The following DGKB variants were observed in gnomAD, a reference collection of about 807,000 sequenced individuals.
The protein encoded by DGKB is diacylglycerol kinase beta.
In DGKB, 67 loss-of-function variants were observed where a neutral mutation model predicts 114.3. The ratio of observed to expected loss-of-function variants is 0.59; its 90% CI spans 0.48 to 0.72. The LOEUF (loss-of-function observed/expected upper bound fraction) is 0.72, where lower values mean the gene tolerates loss of function less well. Ranked by LOEUF, DGKB falls within the 30% of genes least tolerant of loss-of-function variation. The probability of loss-of-function intolerance (pLI) is 0.00; values close to 1 mark genes in which losing one functional copy is unlikely to be tolerated. For synonymous variants in DGKB, 398 were observed against 323.1 expected (o/e 1.23, Z -2.49); for missense variants, 907 against 975.2 (o/e 0.93, Z 0.93).
intron 23 of DGKB, among the ~76,000 whole-genome samples, chr7:14,281,530 G>C (rs541110743): frequency 0.078 from 11,210 of 143,288 alleles, 1,664 homozygotes; most frequent in African/African-American, 0.31. Context: ...ATCTACAGAA[G>C]TCTCCACCCC....
intron 1 of DGKB, among the ~76,000 whole-genome samples, chr7:14,964,978 G>T (rs932960956): frequency 6.6e-6 from 1 of 152,120 alleles, no homozygotes; most frequent in African/African-American, 2.4e-5. Flanking sequence ...GATATGGATT[G>T]ACTAGATCTG....
At chr7:14,364,733 G>A (rs968427619) in intron 21 of DGKB, among the ~76,000 whole-genome samples, 2 of 151,936 alleles carry the variant, frequency 1.3e-5, no homozygotes, top group African/African-American at 4.8e-5. Flanking sequence ...CCGCCCATGA[G>A]AGATTTAATC....
intron 1 of DGKB, among the ~76,000 whole-genome samples, chr7:14,883,220 AT>A (rs1854509926): frequency 6.6e-6 from 1 of 151,900 alleles, no homozygotes. Flanking sequence ...TTACTTATAC[AT>A]TTTACATATA....
At chr7:14,383,077 T>C (rs1012948553) in intron 21 of DGKB, among the ~76,000 whole-genome samples, 2 of 152,226 alleles carry the variant, frequency 1.3e-5, no homozygotes, top group Non-Finnish European at 2.9e-5. Context: ...GAGTACACCA[T>C]AGTGAAAGAC....
chr7:14,725,657 C>T (rs1385610720), intron 5 of DGKB, among the ~76,000 whole-genome samples: 1 of 151,830 alleles, frequency 6.6e-6, no homozygotes, highest in Non-Finnish European at 1.5e-5. Flanking sequence ...AAGAGATTCT[C>T]CCACCTCAGC....
intron 25 of DGKB, among the ~76,000 whole-genome samples, chr7:14,152,728 A>G (rs1276696926): frequency 3.3e-5 from 5 of 152,144 alleles, no homozygotes; most frequent in African/African-American, 4.8e-5. Flanking sequence ...CCAGTAACAG[A>G]ATCAAAGATT....
chr7:14,493,959 CACAT>C lies in DGKB; in HGVS notation c.1771-15738_1771-15735del, dbSNP rs200356095. Among the ~76,000 whole-genome samples, 1,342 of 146,942 alleles carry C rather than the reference CACAT, an allele frequency of 9.1e-3. 12 individuals are homozygous for C. Among genetic ancestry groups the C allele is most frequent in the South Asian group, 0.037 (173 of 4,708 alleles). Reference sequence around the variant, plus strand: ...ACACACACACACACACACACACACACACATCTATGTACACATCATAGCAATTAAA... The same window carrying C: ...ACACACACACACACACACACACACACCTATGTACACATCATAGCAATTAAA... On this transcript the variant is annotated intron_variant, in intron 20 of 25. Transcript: ENST00000402815.
At chr7:14,962,636 T>TGTG (rs1786919990) in intron 1 of DGKB, among the ~76,000 whole-genome samples, 1 of 141,940 alleles carries the variant, frequency 7.0e-6, no homozygotes, top group Non-Finnish European at 1.5e-5. Flanking sequence ...GTGTGTGTGT[T>TGTG]TGTGTGTGTG....
At position 14,244,037 on chromosome 7, in the gene DGKB, CAGAGAG is replaced by C. The variant is rs879539602; in HGVS notation, c.2123-65892_2123-65887del. Reference sequence around the variant, plus strand: ...TATGAGAGATTCTGAGAGAGAGAGACAGAGAGAGAGAGAGAGGGAGAGAGAGAGAGA... The same window carrying C: ...TATGAGAGATTCTGAGAGAGAGAGACAGAGAGAGAGGGAGAGAGAGAGAGA... On this transcript the variant is annotated intron_variant, in intron 23 of 25. Transcript: ENST00000402815. Among the ~76,000 whole-genome samples, 9 of 141,700 alleles carry C rather than the reference CAGAGAG, an allele frequency of 6.4e-5. No homozygotes were observed. In the East Asian group the frequency reaches 2.0e-3, roughly 31 times the overall value. The allele number at this position is 141,700 out of a possible 152,430, so 93.0% of individuals were successfully genotyped here. A position where few individuals can be genotyped will look rare whatever the true frequency, so the allele number is the denominator to read the frequency against.
At chr7:14,696,979 T>C (rs189359238) in intron 8 of DGKB, among the ~76,000 whole-genome samples, 4 of 152,344 alleles carry the variant, frequency 2.6e-5, no homozygotes, top group Middle Eastern at 6.8e-3. Context: ...TTGCATAAAA[T>C]GTAAAATCAT....
intron 1 of DGKB, among the ~76,000 whole-genome samples, chr7:14,887,616 A>C (rs934802916): frequency 6.6e-6 from 1 of 151,762 alleles, no homozygotes; most frequent in Non-Finnish European, 1.5e-5. Flanking sequence ...CATTTCAAAT[A>C]TATTATGTCG....
chr7:14,290,868 C>T (rs574176381), intron 23 of DGKB, among the ~76,000 whole-genome samples: 1 of 152,132 alleles, frequency 6.6e-6, no homozygotes, highest in South Asian at 2.1e-4. Context: ...GTTGGCCAGG[C>T]ATGGTGGCAC....
chr7:14,386,201 T>C (rs1342654034), intron 21 of DGKB, among the ~76,000 whole-genome samples: 2 of 152,198 alleles, frequency 1.3e-5, no homozygotes, highest in African/African-American at 4.8e-5. Flanking sequence ...AGTATTGCAT[T>C]TATAATCATT....
chr7:14,575,374 G>A (rs561659866), intron 19 of DGKB, among the ~76,000 whole-genome samples: 4 of 152,080 alleles, frequency 2.6e-5, no homozygotes, highest in South Asian at 2.1e-4. Flanking sequence ...TATGATAGAC[G>A]GTCAACATGA....
chr7:14,193,727 A>G (rs1023697564), intron 23 of DGKB, among the ~76,000 whole-genome samples: 36 of 152,208 alleles, frequency 2.4e-4, no homozygotes, highest in African/African-American at 7.5e-4. Context: ...GCTTTTGAAG[A>G]GGAAACTATT....
chr7:14,443,741 G>C (rs1388134073), intron 21 of DGKB, among the ~76,000 whole-genome samples: 1 of 151,906 alleles, frequency 6.6e-6, no homozygotes, highest in Admixed American at 6.6e-5. Context: ...TTGTTGGCTT[G>C]TTTGAGTGTT....
At chr7:14,725,795 A>C (rs1829937876) in intron 5 of DGKB, among the ~76,000 whole-genome samples, 1 of 151,978 alleles carries the variant, frequency 6.6e-6, no homozygotes. Context: ...TGATCTCTGT[A>C]CCTCAGCCTC....
chr7:14,875,576 C>A (rs1038768457), intron 1 of DGKB, among the ~76,000 whole-genome samples: 2 of 152,166 alleles, frequency 1.3e-5, no homozygotes, highest in African/African-American at 2.4e-5. Context: ...GTTAGGACTA[C>A]TGTTGATCTT....
chr7:14,813,344 G>A (rs193228310), intron 2 of DGKB, among the ~76,000 whole-genome samples: 1 of 152,242 alleles, frequency 6.6e-6, no homozygotes, highest in African/African-American at 2.4e-5. Flanking sequence ...ATACCTATGA[G>A]GATTGCTCTT....
Sources: gnomAD v4.1 joint callset for allele counts (sites outside exome capture counted in the v4.1 genomes callset) on GRCh38, gnomAD v4.1.1 for gene constraint, MANE v1.5 for transcripts, NCBI Gene and HGNC (gene_info 2026-07-23, HGNC 2026-07-21) for gene names.